The following BACH1 variants were observed in gnomAD, a reference collection of about 807,000 sequenced individuals.
The protein encoded by BACH1 is BTB domain and CNC homolog 1.
A neutral mutation model predicts 52.9 loss-of-function variants in BACH1; 35 were observed. The observed-to-expected ratio is 0.66, with a 90% CI of 0.51 to 0.88. BACH1 has a LOEUF of 0.88. Ranked by LOEUF, BACH1 falls within the 40% of genes least tolerant of loss-of-function variation. BACH1 has a pLI of 0.00. For missense variants in BACH1, 808 were observed against 872.6 expected (o/e 0.93, Z 0.93); for synonymous variants, 321 against 319.6 (o/e 1.00, Z -0.05).
chr21:29,324,906 C>G (rs762137780), intron 2 of BACH1, among the ~76,000 whole-genome samples: 21 of 152,144 alleles, frequency 1.4e-4, no homozygotes, highest in Non-Finnish European at 2.5e-4. Context: ...TTTAAAAAGC[C>G]TAAACATGGT....
At chr21:29,306,984 A>G (rs1248699750) in intron 1 of BACH1, among the ~76,000 whole-genome samples, 1 of 152,142 alleles carries the variant, frequency 6.6e-6, no homozygotes, top group Non-Finnish European at 1.5e-5. Flanking sequence ...GGGAGAGGAG[A>G]ACATATAATT....
intron 1 of BACH1, among the ~76,000 whole-genome samples, chr21:29,310,541 A>T (rs960581702): frequency 2.6e-5 from 4 of 152,230 alleles, no homozygotes; most frequent in African/African-American, 9.6e-5. Flanking sequence ...TCAAGATTGG[A>T]CCAAATACGA....
chr21:29,323,655 T>G (rs1601352389), intron 2 of BACH1, among the ~76,000 whole-genome samples: 1 of 152,140 alleles, frequency 6.6e-6, no homozygotes, highest in African/African-American at 2.4e-5. Context: ...ACGCCCTCAC[T>G]GACACACCCA....
In BACH1 at chr21:29,321,205, G is replaced by T; in HGVS notation, c.-60-16G>T. The stretch of plus-strand genomic sequence containing the variant: ...CAAGATGTTATTTAAGTGAAATCTT[G>T]CATGTGTGTTTGCAGGTTGATGATA... On this transcript the variant is annotated splice_polypyrimidine_tract_variant and intron_variant, in intron 1 of 4. Transcript: ENST00000286800. The T allele has an allele frequency of 8.3e-7, 1 of 1,211,102 alleles. No individual in the cohort carries two copies. The highest frequency in any genetic ancestry group is 1.3e-5 in the South Asian group (1 of 78,882). 75.0% of individuals were successfully genotyped at this position (1,211,102 alleles called of 1,614,324 possible). A position where few individuals can be genotyped will look rare whatever the true frequency, so the allele number is the denominator to read the frequency against.
At chr21:29,308,945 A>T (rs887924280) in intron 1 of BACH1, among the ~76,000 whole-genome samples, 1 of 152,138 alleles carries the variant, frequency 6.6e-6, no homozygotes, top group Non-Finnish European at 1.5e-5. Context: ...TATATGATCT[A>T]GTGAGTGTTA....
At position 29,358,810 on chromosome 21, in the gene BACH1, GAA is replaced by G. The variant is rs377034086; in HGVS notation, c.472+29119_472+29120del. Among the ~76,000 whole-genome samples the G allele has an allele frequency of 1.0e-3, 90 of 88,788 alleles. 1 individual carries two copies. The highest frequency in any genetic ancestry group is 1.9e-3 in the South Asian group (5 of 2,672). 58.2% of individuals were successfully genotyped at this position (88,788 alleles called of 152,430 possible). ...AGAAAGAAAGAAAGAAAGAAAGAAA[GAA>G]AGAAGAAAGAAAGAAATGTAAAAAG... is the stretch of plus-strand genomic sequence containing the variant. On this transcript the variant is annotated intron_variant, in intron 2 of 4. Transcript: ENST00000422809.
chr21:29,359,643 C>T (rs1203027430), intron 2 of BACH1, among the ~76,000 whole-genome samples: 1 of 151,846 alleles, frequency 6.6e-6, no homozygotes, highest in Non-Finnish European at 1.5e-5. Context: ...AAAAGTCAAG[C>T]TGGGAACTGC....
At position 29,326,572 on chromosome 21, in the gene BACH1, C is replaced by A; in HGVS notation, c.748C>A (p.His250Asn). The change falls in exon 3 of 5, where the codon CAT becomes AAT. Residue 250 changes from histidine to asparagine, a missense_variant. By Grantham distance (68) the His-to-Asn change is moderately conservative (BLOSUM62 1). Coordinates refer to ENST00000286800, the MANE Select transcript of BACH1 (RefSeq NM_001186.4). ...RTGESSVKDI[H>N]ASVQPNERSE... ...TGGGGAATCTAGTGTCAAAGACATT[C>A]ATGCTTCTGTTCAGCCAAATGAAAG... 6.2e-7 allele frequency: 1 copy of A among 1,614,202 alleles called. No individual in the cohort carries two copies. Among genetic ancestry groups the A allele is most frequent in the Non-Finnish European group, 8.5e-7 (1 of 1,180,034 alleles).
At chr21:29,323,789 G>T (rs2088876479) in intron 2 of BACH1, among the ~76,000 whole-genome samples, 1 of 152,136 alleles carries the variant, frequency 6.6e-6, no homozygotes, top group South Asian at 2.1e-4. Flanking sequence ...TCCAGTGTCC[G>T]CCATTGATAA....
intron 2 of BACH1, among the ~76,000 whole-genome samples, chr21:29,356,123 C>T (rs1356801845): frequency 6.6e-6 from 1 of 152,196 alleles, no homozygotes; most frequent in Non-Finnish European, 1.5e-5. Flanking sequence ...GATATACTGG[C>T]TATTCCGGTT....
downstream of BACH1, among the ~76,000 whole-genome samples, chr21:29,348,629 A>T (rs2123484601): frequency 6.6e-6 from 1 of 152,188 alleles, no homozygotes; most frequent in Non-Finnish European, 1.5e-5. Flanking sequence ...ATGACACCTT[A>T]ATTTACATTT....
chr21:29,301,784 T>G (rs539936378), intron 1 of BACH1, among the ~76,000 whole-genome samples: 4 of 152,166 alleles, frequency 2.6e-5, no homozygotes, highest in Admixed American at 6.5e-5. Context: ...CTGTTTTTTT[T>G]TGTTTGTTTT....
intron 2 of BACH1, among the ~76,000 whole-genome samples, chr21:29,353,890 C>T (rs1411317257): frequency 1.3e-5 from 2 of 152,154 alleles, no homozygotes; most frequent in Admixed American, 6.5e-5. Context: ...AGTTATAGGA[C>T]TTCAGCCACC....
chr21:29,330,353 TG>T (rs1308963229), intron 4 of BACH1, among the ~76,000 whole-genome samples: 5 of 151,958 alleles, frequency 3.3e-5, no homozygotes, highest in Non-Finnish European at 7.4e-5. Flanking sequence ...ATTTATTTTT[TG>T]TATTTTTAGT....
Position 29,344,212 on chromosome 21 carries a change from C to A in BACH1, c.*1379C>A, listed in dbSNP as rs1264008643. 6.6e-6 allele frequency: 1 copy of A among 152,460 alleles called. No homozygotes were observed. The highest frequency in any genetic ancestry group is 1.5e-5 in the Non-Finnish European group (1 of 68,028). 9.4% of individuals were successfully genotyped at this position (152,460 alleles called of 1,614,324 possible). A position where few individuals can be genotyped will look rare whatever the true frequency, so the allele number is the denominator to read the frequency against. ...CACATTCACAGAAACATTGGCAGAA[C>A]CCAGTTTTAATGGTACAGAGGAGTA... On this transcript the variant is annotated 3_prime_UTR_variant, in exon 5 of 5. Coordinates refer to ENST00000286800, the MANE Select transcript of BACH1 (RefSeq NM_001186.4).
chr21:29,351,729 A>AC (rs956206637), intron 2 of BACH1: 1 of 534,646 alleles, frequency 1.9e-6, no homozygotes, highest in African/African-American at 1.9e-5. Flanking sequence ...CTAAACAGTA[A>AC]CATCTGGGAG....
At chr21:29,302,332 T>A (rs1423380242) in intron 1 of BACH1, among the ~76,000 whole-genome samples, 1 of 152,234 alleles carries the variant, frequency 6.6e-6, no homozygotes, top group Admixed American at 6.5e-5. Flanking sequence ...ATTTCAGGAC[T>A]GCAGCTAAAA....
intron 2 of BACH1, among the ~76,000 whole-genome samples, chr21:29,324,486 A>T (rs182284766): frequency 6.6e-6 from 1 of 151,946 alleles, no homozygotes; most frequent in African/African-American, 2.4e-5. Flanking sequence ...AGCTGAGATT[A>T]TCCAGCTTGT....
intron 1 of BACH1, among the ~76,000 whole-genome samples, chr21:29,299,177 C>G (rs1305087105): frequency 6.6e-6 from 1 of 151,572 alleles, no homozygotes; most frequent in Non-Finnish European, 1.5e-5. Flanking sequence ...AGGGGCGTCC[C>G]GTCGGCGGCC....
Sources: gnomAD v4.1 joint callset for allele counts (sites outside exome capture counted in the v4.1 genomes callset) on GRCh38, gnomAD v4.1.1 for gene constraint, MANE v1.5 for transcripts, NCBI Gene and HGNC (gene_info 2026-07-23, HGNC 2026-07-21) for gene names.